GRID2: variants seen among roughly 807,000 people sequenced by gnomAD.
GRID2 encodes the protein glutamate receptor ionotropic, delta-2.
Under a neutral mutation model 114.8 loss-of-function variants are expected in GRID2, and 33 were observed. The observed-to-expected ratio is 0.29, with a 90% CI of 0.22 to 0.38. The LOEUF (loss-of-function observed/expected upper bound fraction) is 0.38. Ranked by LOEUF, GRID2 falls within the 10% of genes least tolerant of loss-of-function variation. The probability of loss-of-function intolerance (pLI) is 1.00; values close to 1 mark genes in which losing one functional copy is unlikely to be tolerated. For missense variants in GRID2, 1,184 were observed against 1,257.7 expected, an observed-to-expected ratio of 0.94 and a Z score of 0.89; for synonymous variants, 505 against 449.9, an observed-to-expected ratio of 1.12 and a Z score of -1.55.
chr4:93,393,896 G>C (rs1765086710), intron 8 of GRID2, among the ~76,000 whole-genome samples: 1 of 151,970 alleles, frequency 6.6e-6, no homozygotes, highest in South Asian at 2.1e-4. Context: ...TGCTTTGGCA[G>C]CTTAGACATA....
chr4:92,418,627 AAGAT>A (rs1473249133), intron 1 of GRID2, among the ~76,000 whole-genome samples: 1 of 152,018 alleles, frequency 6.6e-6, no homozygotes, highest in Non-Finnish European at 1.5e-5. Flanking sequence ...AATGAGTAAA[AAGAT>A]AGAGGCGGGA....
At chr4:92,627,205 CAA>C (rs1730568815) in intron 2 of GRID2, among the ~76,000 whole-genome samples, 1 of 152,024 alleles carries the variant, frequency 6.6e-6, no homozygotes, top group South Asian at 2.1e-4. Context: ...GAATGGGCAA[CAA>C]ACAGTATTTT....
chr4:92,489,141 C>T (rs1315726673), intron 1 of GRID2, among the ~76,000 whole-genome samples: 1 of 151,970 alleles, frequency 6.6e-6, no homozygotes, highest in Non-Finnish European at 1.5e-5. Flanking sequence ...TATGGTTGCC[C>T]CTTCTACTGT....
At chr4:93,581,484 A>G (rs535607011) in intron 13 of GRID2, among the ~76,000 whole-genome samples, 2 of 152,290 alleles carry the variant, frequency 1.3e-5, no homozygotes, top group South Asian at 2.1e-4. Flanking sequence ...TTTTAAATTG[A>G]TAATGTTAGG....
chr4:93,077,710 A>C (rs1176014184), intron 2 of GRID2, among the ~76,000 whole-genome samples: 1 of 152,160 alleles, frequency 6.6e-6, no homozygotes, highest in African/African-American at 2.4e-5. Context: ...GAGTTTCCTA[A>C]AGTGCAATTG....
At chr4:93,530,370 A>G (rs757846202) in intron 13 of GRID2, among the ~76,000 whole-genome samples, 1 of 152,204 alleles carries the variant, frequency 6.6e-6, no homozygotes, top group Non-Finnish European at 1.5e-5. Flanking sequence ...TTACTTAAAT[A>G]ACGCCTATTC....
At chr4:92,743,108 T>C (rs1236908215) in intron 2 of GRID2, among the ~76,000 whole-genome samples, 1 of 152,116 alleles carries the variant, frequency 6.6e-6, no homozygotes, top group Admixed American at 6.5e-5. Flanking sequence ...GAAACCCTAT[T>C]CCTACAAAAC....
At chr4:93,002,494 C>T (rs570074436) in intron 2 of GRID2, among the ~76,000 whole-genome samples, 2 of 151,310 alleles carry the variant, frequency 1.3e-5, no homozygotes, top group East Asian at 3.9e-4. Flanking sequence ...TAAATATTTA[C>T]AGGTCTAAAC....
intron 14 of GRID2, among the ~76,000 whole-genome samples, chr4:93,636,666 G>A (rs1012461556): frequency 6.6e-6 from 1 of 152,068 alleles, no homozygotes; most frequent in African/African-American, 2.4e-5. Context: ...TTTTTCATAG[G>A]TCCTTAAAAT....
intron 1 of GRID2, among the ~76,000 whole-genome samples, chr4:93,795,279 C>T (rs187143290): frequency 6.6e-5 from 10 of 151,724 alleles, no homozygotes; most frequent in East Asian, 5.8e-4. Flanking sequence ...AAAATACTTT[C>T]GGAAATCACA....
chr4:93,481,865 A>G (rs1725906778), intron 11 of GRID2, among the ~76,000 whole-genome samples: 1 of 152,026 alleles, frequency 6.6e-6, no homozygotes, highest in East Asian at 1.9e-4. Flanking sequence ...CTTAGATCCC[A>G]GAGGGATTGC....
chr4:93,433,922 C>T (rs541485946), intron 10 of GRID2, among the ~76,000 whole-genome samples: 7 of 152,260 alleles, frequency 4.6e-5, no homozygotes, highest in South Asian at 2.1e-4. Flanking sequence ...GAGAATCTAG[C>T]GTAAGTCCCT....
chr4:92,913,729 A>G (rs1748564088), intron 2 of GRID2, among the ~76,000 whole-genome samples: 1 of 151,982 alleles, frequency 6.6e-6, no homozygotes, highest in Non-Finnish European at 1.5e-5. Context: ...TGGTTGAGAG[A>G]GAAAATTGTC....
At chr4:93,751,362 A>G (rs1390108504) in intron 14 of GRID2, among the ~76,000 whole-genome samples, 1 of 152,184 alleles carries the variant, frequency 6.6e-6, no homozygotes, top group Non-Finnish European at 1.5e-5. Context: ...ATGAGACTCT[A>G]TAATTAAAGT....
intron 12 of GRID2, among the ~76,000 whole-genome samples, chr4:93,508,460 G>T (rs978894718): frequency 6.6e-6 from 1 of 152,026 alleles, no homozygotes; most frequent in Non-Finnish European, 1.5e-5. Context: ...CTCCCAAAGG[G>T]CTGGGATTAC....
chr4:93,005,720 A>G (rs1252185751), intron 2 of GRID2, among the ~76,000 whole-genome samples: 1 of 152,080 alleles, frequency 6.6e-6, no homozygotes, highest in Non-Finnish European at 1.5e-5. Context: ...TTTGACCATT[A>G]AAAGGAATGA....
At chr4:93,096,130 C>T (rs915304498) in intron 3 of GRID2, among the ~76,000 whole-genome samples, 10 of 151,834 alleles carry the variant, frequency 6.6e-5, no homozygotes, top group African/African-American at 2.4e-4. Context: ...AATGTTTAAG[C>T]AACATTGCTG....
intron 11 of GRID2, among the ~76,000 whole-genome samples, chr4:93,472,418 C>T (rs1724930688): frequency 6.6e-6 from 1 of 152,078 alleles, no homozygotes; most frequent in Non-Finnish European, 1.5e-5. Context: ...TATCCATATA[C>T]ATTAAAAATA....
intron 5 of GRID2, among the ~76,000 whole-genome samples, chr4:93,211,842 A>G (rs1431777746): frequency 6.6e-6 from 1 of 152,192 alleles, no homozygotes; most frequent in African/African-American, 2.4e-5. Flanking sequence ...ACCCATAAAA[A>G]AATAAACAAA....
Sources: gnomAD v4.1 joint callset for allele counts (sites outside exome capture counted in the v4.1 genomes callset) on GRCh38, gnomAD v4.1.1 for gene constraint, MANE v1.5 for transcripts, NCBI Gene and HGNC (gene_info 2026-07-23, HGNC 2026-07-21) for gene names.